The following CACNA2D1 variants were observed in gnomAD, a reference collection of about 807,000 sequenced individuals.
The protein encoded by CACNA2D1 is calcium voltage-gated channel auxiliary subunit alpha2delta 1.
CACNA2D1 carries 53 observed loss-of-function variants against 171.5 expected under a neutral mutation model. That is an observed-to-expected ratio of 0.31 (90% confidence interval 0.25 to 0.39). The LOEUF is 0.39. Among genes scored for constraint, CACNA2D1 ranks in the 10% least tolerant of loss-of-function variants. CACNA2D1 has a pLI of 1.00. For missense variants in CACNA2D1, 903 were observed against 1,299.8 expected, an observed-to-expected ratio of 0.69 and a Z score of 4.69; for synonymous variants, 442 against 443.1, an observed-to-expected ratio of 1.00 and a Z score of 0.03.
intron 2 of CACNA2D1, among the ~76,000 whole-genome samples, chr7:82,339,788 G>A (rs1818399602): frequency 2.0e-5 from 3 of 152,118 alleles, no homozygotes; most frequent in African/African-American, 4.8e-5. Flanking sequence ...ACAGAATAAT[G>A]GCTTCCCAAA....
intron 4 of CACNA2D1, among the ~76,000 whole-genome samples, chr7:82,136,897 A>T (rs913070117): frequency 6.6e-6 from 1 of 152,186 alleles, no homozygotes; most frequent in Admixed American, 6.5e-5. Flanking sequence ...TCCCAGTGTA[A>T]GTCTGAGACC....
intron 1 of CACNA2D1, among the ~76,000 whole-genome samples, chr7:82,384,221 A>C (rs1321357484): frequency 1.3e-5 from 2 of 152,172 alleles, no homozygotes; most frequent in East Asian, 1.9e-4. Flanking sequence ...CCCCCAAAAA[A>C]TGTGTATGTT....
intron 3 of CACNA2D1, among the ~76,000 whole-genome samples, chr7:82,216,826 A>G (rs1198621157): frequency 1.3e-5 from 2 of 151,534 alleles, no homozygotes; most frequent in East Asian, 1.9e-4. Flanking sequence ...AAAAGTAAAT[A>G]TATCTGTCAA....
chr7:82,344,103 T>C (rs989616366), intron 2 of CACNA2D1, among the ~76,000 whole-genome samples: 4 of 152,240 alleles, frequency 2.6e-5, no homozygotes, highest in African/African-American at 7.2e-5. Context: ...GATAATTCTC[T>C]GTTGTGAAGG....
At chr7:82,038,310 G>T in intron 10 of CACNA2D1, 75 bp from the exon 11 acceptor site, 1 of 1,314,014 alleles carries the variant, frequency 7.6e-7, no homozygotes, top group Non-Finnish European at 1.1e-6. Flanking sequence ...ATTTGTGTTT[G>T]ATACTCCTAA....
At chr7:82,101,298 C>A (rs966012234) in intron 6 of CACNA2D1, among the ~76,000 whole-genome samples, 2 of 152,110 alleles carry the variant, frequency 1.3e-5, no homozygotes, top group Non-Finnish European at 2.9e-5. Flanking sequence ...CCAATATTAT[C>A]ATTAATATTA....
chr7:81,991,281 A>G (rs371735975), intron 20 of CACNA2D1, 35 bp from the exon 21 acceptor site: 6 of 1,062,010 alleles, frequency 5.6e-6, no homozygotes, highest in Non-Finnish European at 8.9e-6. Context: ...TTATCACTTT[A>G]CATTTTGTAT....
chr7:82,309,941 G>A (rs576955644), intron 3 of CACNA2D1, among the ~76,000 whole-genome samples: 2 of 152,022 alleles, frequency 1.3e-5, no homozygotes, highest in African/African-American at 4.8e-5. Context: ...AGTCTTTAAG[G>A]CTTGTTATGT....
chr7:82,402,676 A>G (rs77738651), intron 1 of CACNA2D1, among the ~76,000 whole-genome samples: 6,761 of 134,590 alleles, frequency 0.05, 178 homozygotes, highest in Middle Eastern at 0.08. Context: ...ACTGCACTTC[A>G]GCCAGGGCAA....
chr7:82,398,728 C>T (rs1038773537), intron 1 of CACNA2D1, among the ~76,000 whole-genome samples: 1 of 151,924 alleles, frequency 6.6e-6, no homozygotes, highest in Non-Finnish European at 1.5e-5. Flanking sequence ...CAGGCGTGCA[C>T]CACCATGCTG....
intron 25 of CACNA2D1, among the ~76,000 whole-genome samples, chr7:81,973,275 C>T (rs1795478733): frequency 6.6e-6 from 1 of 151,936 alleles, no homozygotes; most frequent in African/African-American, 2.4e-5. Flanking sequence ...ATTTCAAAGG[C>T]ACTGGCTCAG....
In CACNA2D1 at chr7:82,084,628, C is replaced by T. The variant is rs1175890849; in HGVS notation, c.658+141G>A. On this transcript the variant is annotated intron_variant, in intron 7 of 38. Transcript: ENST00000356860. ...AAAGTGACTGTGGTCAATCCAAAGC[C>T]ATGTAAAGAGGAATGTTCTTTCCTT... is the stretch of plus-strand genomic sequence containing the variant. 6.1e-6 allele frequency: 6 copies of T among 983,020 alleles called. No homozygotes were observed. In the East Asian group the frequency reaches 1.5e-4, roughly 25 times the overall value. 60.9% of individuals were successfully genotyped at this position (983,020 alleles called of 1,614,324 possible). A position where few individuals can be genotyped will look rare whatever the true frequency, so the allele number is the denominator to read the frequency against.
intron 10 of CACNA2D1, chr7:82,050,968 A>G (rs1290639418): frequency 1.1e-5 from 3 of 271,638 alleles, no homozygotes; most frequent in Non-Finnish European, 2.2e-5. Context: ...CATCTAAGAG[A>G]CAGGGTTGCC....
intron 3 of CACNA2D1, among the ~76,000 whole-genome samples, chr7:82,248,554 A>AG (rs1422817877): frequency 6.6e-6 from 1 of 152,248 alleles, no homozygotes; most frequent in Non-Finnish European, 1.5e-5. Flanking sequence ...TGAAGAACAA[A>AG]GTGATTTATT....
At chr7:82,398,252 T>C (rs1563491963) in intron 1 of CACNA2D1, among the ~76,000 whole-genome samples, 1 of 152,200 alleles carries the variant, frequency 6.6e-6, no homozygotes, top group African/African-American at 2.4e-5. Context: ...GATCTCAATT[T>C]CTTCATGATT....
intron 4 of CACNA2D1, among the ~76,000 whole-genome samples, chr7:82,168,325 G>A (rs1795677869): frequency 6.6e-6 from 1 of 152,030 alleles, no homozygotes; most frequent in Non-Finnish European, 1.5e-5. Flanking sequence ...TGTATTTTTA[G>A]TGGAGATAGG....
At chr7:82,248,622 C>T (rs1805214533) in intron 3 of CACNA2D1, among the ~76,000 whole-genome samples, 1 of 152,066 alleles carries the variant, frequency 6.6e-6, no homozygotes, top group African/African-American at 2.4e-5. Flanking sequence ...GCACCTATTG[C>T]CAATTGAAGA....
At chr7:82,215,011 T>C (rs533448800) in intron 3 of CACNA2D1, among the ~76,000 whole-genome samples, 8 of 152,258 alleles carry the variant, frequency 5.3e-5, no homozygotes, top group Admixed American at 1.3e-4. Flanking sequence ...ACCAACCCAA[T>C]AGTCCCATAG....
chr7:82,007,526 T>G (rs1799254030), intron 16 of CACNA2D1, 153 bp downstream of exon 16: 1 of 588,758 alleles, frequency 1.7e-6, no homozygotes, highest in Non-Finnish European at 3.1e-6. Flanking sequence ...TTTTCCCAGG[T>G]GGTTATCGCA....
Sources: allele counts gnomAD v4.1 joint callset (sites outside exome capture counted in the v4.1 genomes callset), GRCh38; gene constraint gnomAD v4.1.1; transcripts MANE v1.5; gene names NCBI Gene and HGNC (gene_info 2026-07-23, HGNC 2026-07-21).